The following KATNIP variants were observed in gnomAD, a reference collection of about 807,000 sequenced individuals.
The protein encoded by KATNIP is katanin-interacting protein.
Under a neutral mutation model 174.0 loss-of-function variants are expected in KATNIP, and 126 were observed. That is an observed-to-expected ratio of 0.72 (90% CI 0.63 to 0.84). The LOEUF is 0.84. KATNIP is among the 40% of genes least tolerant of loss of function. The probability of loss-of-function intolerance (pLI) is 0.00; values close to 1 mark genes in which losing one functional copy is unlikely to be tolerated. For missense variants in KATNIP, 1,958 were observed against 2,109.7 expected, an observed-to-expected ratio of 0.93 and a Z score of 1.41; for synonymous variants, 810 against 835.7, an observed-to-expected ratio of 0.97 and a Z score of 0.53.
At chr16:27,632,523 C>T in intron 5 of KATNIP, 1 of 434,468 alleles carries the variant, frequency 2.3e-6, no homozygotes, top group South Asian at 1.6e-5. Context: ...AGGTTTTGGC[C>T]TTCTGATGTC....
At position 27,740,512 on chromosome 16, in the gene KATNIP, C is replaced by G. The variant is rs1165420583; in HGVS notation, c.2215C>G (p.Leu739Val). The stretch of plus-strand genomic sequence containing the variant: ...CTCTCTCATCCAACAACTGGAAAAC[C>G]TCATGGGCAGAAAAATCTGTGAGCC... ...EPSLIQQLEN[L>V]MGRKICEPPG... The change falls in exon 15 of 28, where the codon CTC (leucine) becomes GTC (valine). Residue 739 changes from leucine (L) to valine (V), a missense_variant. Physicochemically the swap from Leu to Val is conservative, Grantham distance 32. This residue lies in a region of KATNIP where 1,557 missense variants were observed against 1,617.8 expected (regional missense o/e 0.96). Transcript: ENST00000261588. The G allele has an allele frequency of 6.2e-7, 1 of 1,614,164 alleles. No homozygotes were observed. The highest frequency in any genetic ancestry group is 2.2e-5 in the East Asian group (1 of 44,878).
At position 27,695,570 on chromosome 16, in the gene KATNIP, A is replaced by G. The variant is rs529492028; in HGVS notation, c.941-2758A>G. 2.6e-5 allele frequency among the ~76,000 whole-genome samples: 4 copies of G among 152,198 alleles called. No homozygotes were observed. The East Asian group carries it at 7.7e-4, about 29-fold the overall frequency. ...GTTTTTCATGTCAGTTTCCACATCA[A>G]ACTCTGTGTTTTAAATTTATTATTT... On this transcript the variant is annotated intron_variant, in intron 8 of 27. Coordinates refer to ENST00000261588, the MANE Select transcript of KATNIP (RefSeq NM_015202.5).
In KATNIP at chr16:27,769,904, C is replaced by T. The variant is rs781702979; in HGVS notation, c.4019C>T (p.Pro1340Leu). 9.9e-6 allele frequency: 16 copies of T among 1,614,256 alleles called. No individual in the cohort carries two copies. The highest frequency in any genetic ancestry group is 8.9e-5 in the East Asian group (4 of 44,886). ...HVSLDGLCVS[P>L]PEGFLIRKGP... The stretch of plus-strand genomic sequence containing the variant: ...TCCCTGGATGGCCTGTGCGTCTCCC[C>T]GCCAGAGGGCTTTCTCATCCGGAAG... Residue 1340 changes from proline (P) to leucine (L), a missense_variant, in exon 21 of 28, where the codon CCG (proline) becomes CTG (leucine). Transcript: ENST00000261588.
At chr16:27,600,934 T>C (rs1324720709) in intron 2 of KATNIP, among the ~76,000 whole-genome samples, 1 of 152,088 alleles carries the variant, frequency 6.6e-6, no homozygotes, top group Non-Finnish European at 1.5e-5. Context: ...GGTTTCACCA[T>C]GTTGGCCAGG....
At chr16:27,551,395 T>C (rs1291268880) in intron 1 of KATNIP, among the ~76,000 whole-genome samples, 1 of 152,224 alleles carries the variant, frequency 6.6e-6, no homozygotes, top group Non-Finnish European at 1.5e-5. Context: ...TACTATAAAA[T>C]GTGCTTTACC....
chr16:27,585,796 G>A (rs1441009059), intron 2 of KATNIP, among the ~76,000 whole-genome samples: 2 of 152,014 alleles, frequency 1.3e-5, no homozygotes, highest in African/African-American at 2.4e-5. Context: ...GATGGTTAAT[G>A]GGCACAAAAA....
intron 2 of KATNIP, among the ~76,000 whole-genome samples, chr16:27,595,352 T>C (rs1471279500): frequency 6.6e-6 from 1 of 152,160 alleles, no homozygotes; most frequent in Admixed American, 6.6e-5. Context: ...ACGCCTGCAC[T>C]CTATCCAGGG....
chr16:27,701,994 G>A (rs929853825), intron 11 of KATNIP, among the ~76,000 whole-genome samples: 6 of 152,042 alleles, frequency 3.9e-5, no homozygotes, highest in Admixed American at 6.5e-5. Flanking sequence ...GTCTCACAAC[G>A]TTGCCCAGGT....
chr16:27,587,908 TTTC>T (rs1275349569), intron 2 of KATNIP, among the ~76,000 whole-genome samples: 1 of 151,796 alleles, frequency 6.6e-6, no homozygotes, highest in Non-Finnish European at 1.5e-5. Context: ...TCCTTTTTCT[TTTC>T]TTTTCTTTTC....
intron 3 of KATNIP, among the ~76,000 whole-genome samples, chr16:27,620,561 A>C (rs1161005831): frequency 2.0e-5 from 3 of 152,260 alleles, no homozygotes; most frequent in African/African-American, 7.2e-5. Context: ...AGAAAAAAAA[A>C]CCTGCCGGAT....
chr16:27,699,734 C>A, intron 10 of KATNIP, 135 bp downstream of exon 10: 1 of 1,163,034 alleles, frequency 8.6e-7, no homozygotes, highest in Non-Finnish European at 1.2e-6. Context: ...TTCCTTCACA[C>A]TGTCCTACCA....
intron 12 of KATNIP, among the ~76,000 whole-genome samples, chr16:27,704,697 C>T (rs1031008349): frequency 2.0e-5 from 3 of 152,136 alleles, no homozygotes; most frequent in South Asian, 2.1e-4. Context: ...GCTATCATTA[C>T]GAGACGATGC....
chr16:27,754,317 G>A (rs1407741756), intron 18 of KATNIP, 66 bp downstream of exon 18: 2 of 1,369,846 alleles, frequency 1.5e-6, no homozygotes, highest in Admixed American at 3.4e-5. Flanking sequence ...GGGAGTTGTG[G>A]CCACTTGGGA....
At position 27,740,676 on chromosome 16, in the gene KATNIP, C is replaced by T; in HGVS notation, c.2379C>T (p.Val793=). The change falls in exon 15 of 28, where the codon GTC becomes GTT. Residue 793 remains valine, a synonymous_variant. Coordinates refer to ENST00000261588, the MANE Select transcript of KATNIP (RefSeq NM_015202.5). ...AWKGRLPSDD[V]IGEGPGETEA... Reference sequence around the variant, plus strand: ...AGGGCAGGCTCCCATCAGACGATGTCATCGGTGAGGGTCCTGGAGAGACCG... The same window carrying T: ...AGGGCAGGCTCCCATCAGACGATGTTATCGGTGAGGGTCCTGGAGAGACCG... The T allele has an allele frequency of 6.2e-7, 1 of 1,614,184 alleles. No individual in the cohort carries two copies.
intron 14 of KATNIP, 43 bp downstream of exon 14, chr16:27,721,738 G>A (rs778506652): frequency 6.2e-7 from 1 of 1,601,628 alleles, no homozygotes; most frequent in Non-Finnish European, 8.5e-7. Context: ...CTGGGTTGAT[G>A]GAAGCACTTA....
intron 2 of KATNIP, among the ~76,000 whole-genome samples, chr16:27,604,037 G>A (rs963134429): frequency 6.6e-6 from 1 of 151,988 alleles, no homozygotes; most frequent in African/African-American, 2.4e-5. Context: ...GTGCCTGGCC[G>A]CCCTTCCCAC....
At position 27,758,815 on chromosome 16, in the gene KATNIP, A is replaced by G. The variant is rs148195611; in HGVS notation, c.3632-2598A>G. 3.4e-3 allele frequency among the ~76,000 whole-genome samples: 509 copies of G among 151,906 alleles called. 4 individuals are homozygous for G. The highest frequency in any genetic ancestry group is 0.011 in the African/African-American group (450 of 41,396). On this transcript the variant is annotated intron_variant, in intron 18 of 27. Coordinates refer to ENST00000261588, the MANE Select transcript of KATNIP (RefSeq NM_015202.5). The stretch of plus-strand genomic sequence containing the variant: ...TTCAGTCACTCCCTATCCTGTTGCT[A>G]TTTTCTTTCATAGTGTTCATCACTC...
intron 5 of KATNIP, among the ~76,000 whole-genome samples, chr16:27,635,226 A>G (rs2076598695): frequency 6.6e-6 from 1 of 152,238 alleles, no homozygotes; most frequent in African/African-American, 2.4e-5. Context: ...TTCAGTTACA[A>G]GGAAGTGGGT....
chr16:27,579,391 G>A (rs1307615002), intron 2 of KATNIP, among the ~76,000 whole-genome samples: 4 of 152,326 alleles, frequency 2.6e-5, no homozygotes, highest in African/African-American at 4.8e-5. Flanking sequence ...CACCTTGTTT[G>A]ATAATGTCCA....
Sources: allele counts gnomAD v4.1 joint callset (sites outside exome capture counted in the v4.1 genomes callset), GRCh38; gene constraint gnomAD v4.1.1; regional missense constraint gnomAD v4.1.1; transcripts MANE v1.5; gene names NCBI Gene and HGNC (gene_info 2026-07-23, HGNC 2026-07-21).